Variants in CPN1 observed in about 807,000 individuals in gnomAD.
The protein encoded by CPN1 is carboxypeptidase N subunit 1.
Under a neutral mutation model 46.4 loss-of-function variants are expected in CPN1, and 37 were observed. That is an observed-to-expected ratio of 0.80 (90% CI 0.61 to 1.05). The LOEUF is 1.05. Ranked by LOEUF, CPN1 falls within the 50% of genes least tolerant of loss-of-function variation. The probability of loss-of-function intolerance (pLI) is 0.00; values close to 1 mark genes in which losing one functional copy is unlikely to be tolerated. For synonymous variants in CPN1, 224 were observed against 235.4 expected (o/e 0.95, Z 0.44); for missense variants, 563 against 602.6 (o/e 0.93, Z 0.69).
intron 2 of CPN1, among the ~76,000 whole-genome samples, chr10:100,075,172 A>T (rs1205394515): frequency 3.3e-5 from 5 of 151,904 alleles, no homozygotes; most frequent in African/African-American, 1.2e-4. Flanking sequence ...ACGCCTGTAG[A>T]CCCAGCTACT....
rs2041548252 is a variant in CPN1 at position 100,081,672 on chromosome 10, CT to C, written c.-48del. 6.6e-7 allele frequency: 1 copy of C among 1,518,602 alleles called. No homozygotes were observed. Among genetic ancestry groups the C allele is most frequent in the Non-Finnish European group, 9.1e-7 (1 of 1,102,578 alleles). 94.1% of individuals were successfully genotyped at this position (1,518,602 alleles called of 1,614,324 possible). On this transcript the variant is annotated 5_prime_UTR_variant, in exon 1 of 9. Transcript: ENST00000370418. ...GAGCCACTGAAACGCGCCCCACCTC[CT>C]TAAACAACCTAGCCTCTTCACCCGC... is the stretch of plus-strand genomic sequence containing the variant.
intron 1 of CPN1, among the ~76,000 whole-genome samples, chr10:100,080,258 CAACTT>C (rs1208201781): frequency 1.3e-5 from 2 of 152,102 alleles, no homozygotes; most frequent in African/African-American, 2.4e-5. Context: ...AAATTAGAAA[CAACTT>C]AAATGTCCAT....
chr10:100,069,413 G>A (rs954806263), intron 3 of CPN1, among the ~76,000 whole-genome samples: 32 of 151,826 alleles, frequency 2.1e-4, no homozygotes, highest in African/African-American at 7.3e-4. Flanking sequence ...CCTGGGAGGC[G>A]AAGGCTGCAG....
At chr10:100,063,491 G>T in intron 5 of CPN1, 123 bp downstream of exon 5, 1 of 778,694 alleles carries the variant, frequency 1.3e-6, no homozygotes, top group Non-Finnish European at 2.3e-6. Flanking sequence ...TCATTTTCCA[G>T]ATCTCAACTT....
intron 3 of CPN1, among the ~76,000 whole-genome samples, chr10:100,065,853 T>C (rs114774417): frequency 0.017 from 2,523 of 151,940 alleles, 70 homozygotes; most frequent in African/African-American, 0.058. Flanking sequence ...GTGGGGAGTA[T>C]ATGAGAACTC....
rs371070915 is a variant in CPN1, at chr10:100,065,213, G to A, written c.734C>T (p.Thr245Met). ...CTTCTGGAAGAGCTTGTCGTCAGGCGTGGGGGTGCTGGCGGTGCGGCGGAC... is the reference window on the plus strand; with the variant it reads ...CTTCTGGAAGAGCTTGTCGTCAGGCATGGGGGTGCTGGCGGTGCGGCGGAC... ...RGVRRTASTP[T>M]PDDKLFQKLA... The change falls in exon 4 of 9, where the codon ACG becomes ATG. Residue 245 changes from threonine to methionine, a missense_variant. By Grantham distance (81) the Thr-to-Met change is moderately conservative. Transcript: ENST00000370418. 159 of 1,614,000 alleles carry A rather than the reference G, an allele frequency of 9.9e-5. 1 individual carries two copies. In the Middle Eastern group the frequency reaches 3.6e-3, roughly 37 times the overall value.
At chr10:100,059,458 T>A (rs1343681623) in intron 5 of CPN1, among the ~76,000 whole-genome samples, 1 of 151,930 alleles carries the variant, frequency 6.6e-6, no homozygotes, top group Non-Finnish European at 1.5e-5. Flanking sequence ...AGGACTTGAA[T>A]AGACATTTCT....
chr10:100,051,409 C>A (rs11594585), intron 7 of CPN1, among the ~76,000 whole-genome samples: 15 of 152,118 alleles, frequency 9.9e-5, no homozygotes, highest in African/African-American at 3.6e-4. Context: ...CAGAAAGGCC[C>A]CATTCCAGAT....
rs1210966776 is a variant in CPN1 at position 100,081,725 on chromosome 10, C to T, written c.-100G>A. On this transcript the variant is annotated 5_prime_UTR_variant, in exon 1 of 9. Coordinates refer to ENST00000370418, the MANE Select transcript of CPN1 (RefSeq NM_001308.3). ...AAAATCCAAGGTCCACCTAGCTTCCCGCTTGTAAACACCAGTCCAAATTGG... is the reference window on the plus strand; with the variant it reads ...AAAATCCAAGGTCCACCTAGCTTCCTGCTTGTAAACACCAGTCCAAATTGG... 3.2e-6 allele frequency: 3 copies of T among 930,900 alleles called. No homozygotes were observed. In the African/African-American group the frequency reaches 4.9e-5, roughly 15 times the overall value. The allele number at this position is 930,900 out of a possible 1,614,324, so 57.7% of individuals were successfully genotyped here. A position where few individuals can be genotyped will look rare whatever the true frequency, so the allele number is the denominator to read the frequency against.
At chr10:100,064,026 G>T (rs528370316) in intron 4 of CPN1, among the ~76,000 whole-genome samples, 2 of 152,114 alleles carry the variant, frequency 1.3e-5, no homozygotes, top group South Asian at 4.2e-4. Flanking sequence ...CACTATCTTG[G>T]GGCTGAGTTT....
intron 6 of CPN1, among the ~76,000 whole-genome samples, chr10:100,054,841 C>CTTTTTTTT (rs56250435): frequency 7.5e-6 from 1 of 132,728 alleles, no homozygotes; most frequent in African/African-American, 2.8e-5. Context: ...TTCTTTCTTT[C>CTTTTTTTT]TTTTTTTTTT....
At chr10:100,053,255 C>T (rs936727727) in intron 7 of CPN1, among the ~76,000 whole-genome samples, 13 of 152,252 alleles carry the variant, frequency 8.5e-5, no homozygotes, top group African/African-American at 2.9e-4. Context: ...GAGAGTTCAT[C>T]CAGCTTAAAC....
At chr10:100,068,188 A>G (rs2041465426) in intron 3 of CPN1, among the ~76,000 whole-genome samples, 2 of 151,368 alleles carry the variant, frequency 1.3e-5, no homozygotes, top group Non-Finnish European at 2.9e-5. Context: ...GGGAAAAGAA[A>G]AAACTAAGGG....
chr10:100,072,826 T>C (rs1199102076), intron 2 of CPN1, among the ~76,000 whole-genome samples: 1 of 152,164 alleles, frequency 6.6e-6, no homozygotes, highest in Non-Finnish European at 1.5e-5. Flanking sequence ...ATTAAATACA[T>C]AGAGTGATAG....
chr10:100,079,423 T>TAA (rs2041532147), intron 1 of CPN1, among the ~76,000 whole-genome samples: 1 of 152,230 alleles, frequency 6.6e-6, no homozygotes, highest in African/African-American at 2.4e-5. Flanking sequence ...CAGTGAGGGC[T>TAA]AGAGTCCTGT....
At chr10:100,053,929 A>G (rs949038453) in intron 7 of CPN1, among the ~76,000 whole-genome samples, 1 of 151,998 alleles carries the variant, frequency 6.6e-6, no homozygotes, top group African/African-American at 2.4e-5. Context: ...GGGAAATGCC[A>G]AGTCAGCGAC....
chr10:100,070,224 G>T (rs1255269852), intron 2 of CPN1, among the ~76,000 whole-genome samples: 1 of 151,854 alleles, frequency 6.6e-6, no homozygotes, highest in Admixed American at 6.6e-5. Flanking sequence ...GCTCACACCT[G>T]TAATCTCAGC....
chr10:100,045,591 T>A (rs1211916037), intron 8 of CPN1, among the ~76,000 whole-genome samples: 2 of 152,204 alleles, frequency 1.3e-5, no homozygotes, highest in Non-Finnish European at 2.9e-5. Flanking sequence ...TTAGTATGAG[T>A]TCTGTAACAC....
intron 2 of CPN1, among the ~76,000 whole-genome samples, chr10:100,074,277 A>G (rs1564776503): frequency 6.6e-6 from 1 of 152,196 alleles, no homozygotes; most frequent in South Asian, 2.1e-4. Context: ...CATGGCAGGT[A>G]TCTCTGAGAG....
Sources: allele counts gnomAD v4.1 joint callset (sites outside exome capture counted in the v4.1 genomes callset), GRCh38; gene constraint gnomAD v4.1.1; transcripts MANE v1.5; gene names NCBI Gene and HGNC (gene_info 2026-07-23, HGNC 2026-07-21).